Variants in TTC7B observed in about 807,000 individuals in gnomAD.
TTC7B encodes tetratricopeptide repeat domain 7B.
A neutral mutation model predicts 106.8 loss-of-function variants in TTC7B; 28 were observed. That is an observed-to-expected ratio of 0.26 (90% CI 0.19 to 0.36). The LOEUF is 0.36. Among genes scored for constraint, TTC7B ranks in the 10% least tolerant of loss-of-function variants. The pLI, the probability that TTC7B is intolerant of heterozygous loss-of-function variation, is 1.00. For missense variants in TTC7B, 862 were observed against 1,076.4 expected (o/e 0.80, Z 2.79); for synonymous variants, 405 against 430.6 (o/e 0.94, Z 0.74).
intron 11 of TTC7B, among the ~76,000 whole-genome samples, chr14:90,655,389 CT>C (rs1885905901): frequency 6.6e-6 from 1 of 152,124 alleles, no homozygotes; most frequent in Non-Finnish European, 1.5e-5. Context: ...TCTTTTTCAT[CT>C]TTATTTTTTA....
At chr14:90,681,750 A>G (rs1300547327) in intron 7 of TTC7B, among the ~76,000 whole-genome samples, 1 of 152,224 alleles carries the variant, frequency 6.6e-6, no homozygotes, top group East Asian at 1.9e-4. Flanking sequence ...GACTTGCTTC[A>G]GAAGTCAGCT....
chr14:90,605,758 A>G (rs1892613290), intron 17 of TTC7B: 1 of 1,248,822 alleles, frequency 8.0e-7, no homozygotes, highest in Non-Finnish European at 1.0e-6. Context: ...GGAATCTGAC[A>G]CTAAAAAAGT....
intron 3 of TTC7B, among the ~76,000 whole-genome samples, chr14:90,778,014 C>T (rs1268211325): frequency 1.3e-5 from 2 of 152,162 alleles, no homozygotes; most frequent in Admixed American, 6.5e-5. Flanking sequence ...CACAAGGCCC[C>T]AGAGCCAGCA....
chr14:90,803,602 G>A (rs1284340371), intron 1 of TTC7B, among the ~76,000 whole-genome samples: 1 of 152,188 alleles, frequency 6.6e-6, no homozygotes, highest in Non-Finnish European at 1.5e-5. Context: ...AGCAAAGATG[G>A]CAAAAGGCAA....
intron 1 of TTC7B, among the ~76,000 whole-genome samples, chr14:90,811,667 CTT>C (rs1357005670): frequency 6.6e-6 from 1 of 152,210 alleles, no homozygotes; most frequent in Non-Finnish European, 1.5e-5. Flanking sequence ...CAGAAATACT[CTT>C]TGTTTCAGGC....
chr14:90,761,929 A>G (rs1270562468), intron 3 of TTC7B, among the ~76,000 whole-genome samples: 2 of 152,210 alleles, frequency 1.3e-5, no homozygotes, highest in East Asian at 1.9e-4. Context: ...CTGTCAGGAT[A>G]CAGTTAGGAT....
At chr14:90,613,351 C>G (rs1473778177) in intron 16 of TTC7B, among the ~76,000 whole-genome samples, 1 of 152,024 alleles carries the variant, frequency 6.6e-6, no homozygotes, top group Non-Finnish European at 1.5e-5. Flanking sequence ...TATGATCATG[C>G]CATGGCACTC....
At chr14:90,677,099 G>C (rs960185519) in intron 8 of TTC7B, among the ~76,000 whole-genome samples, 1 of 152,116 alleles carries the variant, frequency 6.6e-6, no homozygotes, top group African/African-American at 2.4e-5. Flanking sequence ...TCCCAGCCCT[G>C]CATTTCCCAA....
chr14:90,701,826 A>C (rs1888004822), intron 5 of TTC7B, among the ~76,000 whole-genome samples: 1 of 150,214 alleles, frequency 6.7e-6, no homozygotes, highest in Non-Finnish European at 1.5e-5. Context: ...ATATATGGAA[A>C]GAGAGAGAGA....
rs995126274 is a variant in TTC7B at position 90,533,585 on chromosome 14, G to A, written c.*7783C>T. The stretch of plus-strand genomic sequence containing the variant: ...AAGCCCGTAAGGGAAGTTACTCCCC[G>A]ACCATAGAGATGAGGAGACAGAGTG... On this transcript the variant is annotated 3_prime_UTR_variant, in exon 20 of 20. Coordinates refer to ENST00000328459, the MANE Select transcript of TTC7B (RefSeq NM_001010854.2). The A allele has an allele frequency of 6.6e-6, 1 of 152,358 alleles. No individual in the cohort carries two copies. The highest frequency in any genetic ancestry group is 6.5e-5 in the Admixed American group (1 of 15,292). The allele number at this position is 152,358 out of a possible 1,614,324, so 9.4% of individuals were successfully genotyped here.
chr14:90,786,323 T>C lies in TTC7B; in HGVS notation c.127A>G (p.Met43Val). Residue 43 changes from methionine (M) to valine (V), a missense_variant, in exon 2 of 20, where the codon ATG (methionine) becomes GTG (valine). Physicochemically the swap from Met to Val is conservative, Grantham distance 21. Coordinates refer to ENST00000328459, the MANE Select transcript of TTC7B (RefSeq NM_001010854.2). ...GACTCCCCGAGGAGAAGCTCTGCCATGTCATCTACAAAAACAAAGTGAGAA... is the reference window on the plus strand; with the variant it reads ...GACTCCCCGAGGAGAAGCTCTGCCACGTCATCTACAAAAACAAAGTGAGAA... Reference protein sequence around the residue: ...LSAKLIANDDMAELLLGESKL... With the variant: ...LSAKLIANDDVAELLLGESKL... 2 of 1,613,306 alleles carry C rather than the reference T, an allele frequency of 1.2e-6. No homozygotes were observed. Among genetic ancestry groups the C allele is most frequent in the South Asian group, 1.1e-5 (1 of 91,056 alleles).
chr14:90,684,807 G>A (rs1887193078), intron 7 of TTC7B, among the ~76,000 whole-genome samples: 1 of 151,990 alleles, frequency 6.6e-6, no homozygotes, highest in African/African-American at 2.4e-5. Context: ...TGGATATGTT[G>A]ATGAACTTGG....
rs1595203954 is a variant in TTC7B, at chr14:90,610,656, C to A, written c.1966+86G>T. ...GCAAGAAATTTTTCCAACCCCAACCCGATCAGTCTCATCCCATGTCACTTG... is the reference window on the plus strand; with the variant it reads ...GCAAGAAATTTTTCCAACCCCAACCAGATCAGTCTCATCCCATGTCACTTG... On this transcript the variant is annotated intron_variant, in intron 17 of 19. Transcript: ENST00000328459. 7 of 971,928 alleles carry A rather than the reference C, an allele frequency of 7.2e-6. No individual in the cohort carries two copies. The East Asian group carries it at 1.7e-4, about 23-fold the overall frequency. 60.2% of individuals were successfully genotyped at this position (971,928 alleles called of 1,614,324 possible). A position where few individuals can be genotyped will look rare whatever the true frequency, so the allele number is the denominator to read the frequency against.
chr14:90,649,082 C>A (rs1885600796), intron 13 of TTC7B, among the ~76,000 whole-genome samples: 1 of 152,172 alleles, frequency 6.6e-6, no homozygotes, highest in South Asian at 2.1e-4. Flanking sequence ...CTCTGTTAAC[C>A]ACAGCACCGT....
rs529112814 is a variant in TTC7B, at chr14:90,644,163, C to T, written c.1636G>A (p.Gly546Ser). 1.9e-6 allele frequency: 3 copies of T among 1,613,000 alleles called. No homozygotes were observed. Among genetic ancestry groups the T allele is most frequent in the South Asian group, 1.1e-5 (1 of 90,954 alleles). The stretch of plus-strand genomic sequence containing the variant: ...AGGTGCAGGGAGTTGGCATCGTCAC[C>T]TTGAAGCTGAAGAGCTTGGCGGACA... ...GYVRQALQLQ[G>S]DDANSLHLLA... is the part of the protein sequence containing the mutation. The change falls in exon 15 of 20, where the codon GGT becomes AGT. Residue 546 changes from glycine to serine, a missense_variant. By Grantham distance (56) the Gly-to-Ser change is moderately conservative. Transcript: ENST00000328459.
intron 15 of TTC7B, among the ~76,000 whole-genome samples, chr14:90,630,903 C>T (rs1336924092): frequency 2.7e-5 from 4 of 149,210 alleles, no homozygotes; most frequent in African/African-American, 7.5e-5. Flanking sequence ...GGCATGATCT[C>T]GGCTCACTGC....
At chr14:90,565,661 A>T (rs770117141) in intron 19 of TTC7B, among the ~76,000 whole-genome samples, 1 of 151,970 alleles carries the variant, frequency 6.6e-6, no homozygotes, top group Non-Finnish European at 1.5e-5. Flanking sequence ...CGGCCTCCCA[A>T]TGTGCTGGGA....
chr14:90,541,640 G>A, intron 19 of TTC7B, 51 bp from the exon 20 acceptor site: 1 of 1,411,532 alleles, frequency 7.1e-7, no homozygotes, highest in Non-Finnish European at 9.5e-7. Context: ...GGCTTCAGGA[G>A]CTCTGCATCC....
chr14:90,593,662 G>T (rs778783106), intron 17 of TTC7B, 36 bp from the exon 18 acceptor site: 1 of 1,541,736 alleles, frequency 6.5e-7, no homozygotes, highest in South Asian at 1.2e-5. Context: ...TATCAGGAGC[G>T]AAAGAACAGA....
Sources: gnomAD v4.1 joint callset for allele counts (sites outside exome capture counted in the v4.1 genomes callset) on GRCh38, gnomAD v4.1.1 for gene constraint, MANE v1.5 for transcripts, NCBI Gene and HGNC (gene_info 2026-07-23, HGNC 2026-07-21) for gene names.